UVRAG: variants seen among roughly 807,000 people sequenced by gnomAD.
UVRAG encodes the protein UV radiation resistance associated.
A neutral mutation model predicts 78.0 loss-of-function variants in UVRAG; 19 were observed. That is an observed-to-expected ratio of 0.24 (90% confidence interval 0.17 to 0.36). The LOEUF is 0.36. Ranked by LOEUF, UVRAG falls within the 10% of genes least tolerant of loss-of-function variation. The pLI is 1.00. For missense variants in UVRAG, 740 were observed against 853.8 expected, an observed-to-expected ratio of 0.87 and a Z score of 1.66; for synonymous variants, 323 against 324.6, an observed-to-expected ratio of 1.00 and a Z score of 0.05.
chr11:76,038,960 G>C (rs1317941303), intron 12 of UVRAG, among the ~76,000 whole-genome samples: 1 of 152,198 alleles, frequency 6.6e-6, no homozygotes, highest in African/African-American at 2.4e-5. Flanking sequence ...CCAACACCTT[G>C]ATTTTAGATT....
intron 13 of UVRAG, among the ~76,000 whole-genome samples, chr11:76,068,670 G>A (rs1032055882): frequency 6.6e-6 from 1 of 152,114 alleles, no homozygotes; most frequent in African/African-American, 2.4e-5. Context: ...TCTGTCTCTC[G>A]CTGTTTCTCA....
chr11:75,882,295 C>G (rs1427229569), intron 4 of UVRAG, among the ~76,000 whole-genome samples: 10 of 152,100 alleles, frequency 6.6e-5, no homozygotes, highest in Admixed American at 6.5e-4. Flanking sequence ...GGGAGGATCA[C>G]TTGAAGCCAG....
intron 14 of UVRAG, among the ~76,000 whole-genome samples, chr11:76,136,738 T>G (rs1952604433): frequency 6.6e-6 from 1 of 151,732 alleles, no homozygotes; most frequent in African/African-American, 2.4e-5. Flanking sequence ...GTTCAAGCAG[T>G]CCTCCCACCT....
At chr11:75,870,096 G>A (rs1590954294) in intron 3 of UVRAG, among the ~76,000 whole-genome samples, 2 of 152,252 alleles carry the variant, frequency 1.3e-5, no homozygotes, top group Admixed American at 1.3e-4. Context: ...AATCATCTGG[G>A]TCTATATAGT....
At position 76,140,112 on chromosome 11, in the gene UVRAG, C is replaced by CCTCT. The variant is rs745755879; in HGVS notation, c.1398-565_1398-562dup. Among the ~76,000 whole-genome samples, 97 of 11,260 alleles carry CCTCT rather than the reference C, an allele frequency of 8.6e-3. 3 individuals are homozygous for CCTCT. The highest frequency in any genetic ancestry group is 0.018 in the African/African-American group (37 of 2,028). The allele number at this position is 11,260 out of a possible 152,430, so 7.4% of individuals were successfully genotyped here. A position where few individuals can be genotyped will look rare whatever the true frequency, so the allele number is the denominator to read the frequency against. On this transcript the variant is annotated intron_variant, in intron 14 of 14. Coordinates refer to ENST00000356136, the MANE Select transcript of UVRAG (RefSeq NM_003369.4). Reference sequence around the variant, plus strand: ...CTCCCCCTCCCTCCCTCCCTCCCTCCCTCTCTCTCTCTCTCTCTCTCTCTC... The same window carrying CCTCT: ...CTCCCCCTCCCTCCCTCCCTCCCTCCCTCTCTCTCTCTCTCTCTCTCTCTCTCTC...
intron 2 of UVRAG, among the ~76,000 whole-genome samples, chr11:75,860,747 A>C (rs959459128): frequency 1.1e-4 from 16 of 152,086 alleles, no homozygotes; most frequent in Non-Finnish European, 2.4e-4. Flanking sequence ...AATATCTATC[A>C]AAGTCAAATT....
chr11:76,003,177 G>T (rs1031392499), intron 8 of UVRAG, among the ~76,000 whole-genome samples: 14 of 149,036 alleles, frequency 9.4e-5, no homozygotes, highest in Admixed American at 2.7e-4. Flanking sequence ...CCATAACTCA[G>T]ACTATCTGTC....
In UVRAG at chr11:76,130,112, C is replaced by G. The variant is rs375212798; in HGVS notation, c.1398-10599C>G. Among the ~76,000 whole-genome samples, 10 of 152,172 alleles carry G rather than the reference C, an allele frequency of 6.6e-5. No homozygotes were observed. The East Asian group carries it at 1.7e-3, about 26-fold the overall frequency. On this transcript the variant is annotated intron_variant, in intron 14 of 14. Transcript: ENST00000356136. The stretch of plus-strand genomic sequence containing the variant: ...ATTGTTATCTTTCTTGATAAAAGGT[C>G]TTAGCAAATGCTGTTCCTGCTACCT...
At position 75,965,869 on chromosome 11, in the gene UVRAG, C is replaced by T. The variant is rs1331232615; in HGVS notation, c.699+4320C>T. Among the ~76,000 whole-genome samples, 9 of 151,928 alleles carry T rather than the reference C, an allele frequency of 5.9e-5. No individual in the cohort carries two copies. In the East Asian group the frequency reaches 1.7e-3, roughly 29 times the overall value. On this transcript the variant is annotated intron_variant, in intron 7 of 14. Coordinates refer to ENST00000356136, the MANE Select transcript of UVRAG (RefSeq NM_003369.4). The stretch of plus-strand genomic sequence containing the variant: ...TAAAGAATCATAACAGGAAAGTTTG[C>T]ACAGTTTTATGCCCTTTATTTGATT...
At chr11:76,140,060 TCCCTCCCTCCCTCCCTCCCTCCCC>T (rs1565177215) in intron 14 of UVRAG, among the ~76,000 whole-genome samples, 38 of 23,628 alleles carry the variant, frequency 1.6e-3, no homozygotes, top group East Asian at 2.7e-3. Flanking sequence ...TCTCTCTCTC[TCCCTCCCTCCCTCCCTCCCTCCCC>T]CTCTCCCCCT....
chr11:76,089,508 C>T (rs559074056), intron 13 of UVRAG, among the ~76,000 whole-genome samples: 19 of 151,964 alleles, frequency 1.3e-4, no homozygotes, highest in Middle Eastern at 3.2e-3. Context: ...ATGCATGACG[C>T]GATGCCATTT....
intron 5 of UVRAG, among the ~76,000 whole-genome samples, chr11:75,906,364 G>A (rs1438464919): frequency 6.6e-6 from 1 of 150,958 alleles, no homozygotes; most frequent in African/African-American, 2.5e-5. Context: ...TTGTTTGTTT[G>A]GAGATAGAGT....
At chr11:75,979,487 G>GAGGC (rs1949341201) in intron 7 of UVRAG, 1 of 152,460 alleles carries the variant, frequency 6.6e-6, no homozygotes, top group African/African-American at 2.4e-5. Flanking sequence ...GGAGTCTACA[G>GAGGC]AGGCAGGCAG....
intron 6 of UVRAG, among the ~76,000 whole-genome samples, chr11:75,940,049 C>A (rs948436045): frequency 1.2e-4 from 19 of 152,168 alleles, no homozygotes; most frequent in Admixed American, 7.9e-4. Context: ...CAACTTCTGG[C>A]AGCAACTTTT....
chr11:76,042,394 G>A (rs1225927445), intron 12 of UVRAG, among the ~76,000 whole-genome samples: 1 of 152,192 alleles, frequency 6.6e-6, no homozygotes, highest in African/African-American at 2.4e-5. Flanking sequence ...AATTATAAAA[G>A]GAGTGGCTTG....
At chr11:76,130,563 G>A (rs925130409) in intron 14 of UVRAG, among the ~76,000 whole-genome samples, 14 of 152,234 alleles carry the variant, frequency 9.2e-5, no homozygotes, top group Admixed American at 3.9e-4. Flanking sequence ...ATTAAATTGC[G>A]GCAAATTGCA....
At chr11:75,850,935 G>A (rs1022325667) in intron 1 of UVRAG, among the ~76,000 whole-genome samples, 1 of 152,178 alleles carries the variant, frequency 6.6e-6, no homozygotes, top group Non-Finnish European at 1.5e-5. Flanking sequence ...AAAAAGACCT[G>A]GGCTCTTTTG....
rs1302795185 is a variant in UVRAG, at chr11:75,815,461, G to A, written c.54G>A (p.Pro18=). ...CCGTCCCCCAGCCACCCCCGGGCCC[G>A]GCCGCTGCTCTGCCTCCCGGTTCTG... ...GGPVPQPPPG[P]AAALPPGSAA... Residue 18 remains proline (P), a synonymous_variant, in exon 1 of 15, where the codon CCG becomes CCA. Coordinates refer to ENST00000356136, the MANE Select transcript of UVRAG (RefSeq NM_003369.4). 1 of 1,248,330 alleles carries A rather than the reference G, an allele frequency of 8.0e-7. No homozygotes were observed. 77.3% of individuals were successfully genotyped at this position (1,248,330 alleles called of 1,614,324 possible).
chr11:76,096,369 A>G (rs1242171223), intron 13 of UVRAG, among the ~76,000 whole-genome samples: 1 of 152,220 alleles, frequency 6.6e-6, no homozygotes, highest in Non-Finnish European at 1.5e-5. Flanking sequence ...AGTACGTCCA[A>G]GGGAAGGAGA....
Sources: gnomAD v4.1 joint callset for allele counts (sites outside exome capture counted in the v4.1 genomes callset) on GRCh38, gnomAD v4.1.1 for gene constraint, MANE v1.5 for transcripts, NCBI Gene and HGNC (gene_info 2026-07-23, HGNC 2026-07-21) for gene names.